NCALD: variants seen among roughly 807,000 people sequenced by gnomAD.
NCALD encodes neurocalcin-delta.
In NCALD, 10 loss-of-function variants were observed where a neutral mutation model predicts 18.6. That is an observed-to-expected ratio of 0.54 (90% CI 0.33 to 0.91). The LOEUF (loss-of-function observed/expected upper bound fraction) is 0.91. Among genes scored for constraint, NCALD ranks in the 40% least tolerant of loss-of-function variants. The probability of loss-of-function intolerance (pLI) is 0.03; values close to 1 mark genes in which losing one functional copy is unlikely to be tolerated. For synonymous variants in NCALD, 88 were observed against 87.4 expected (o/e 1.01, Z -0.04); for missense variants, 184 against 247.6 (o/e 0.74, Z 1.72).
At chr8:101,923,867 T>C (rs1415668710) in intron 2 of NCALD, among the ~76,000 whole-genome samples, 1 of 152,260 alleles carries the variant, frequency 6.6e-6, no homozygotes, top group Non-Finnish European at 1.5e-5. Context: ...ATTTTAAACC[T>C]TTATTAACAT....
At chr8:102,034,184 C>T (rs947516566) in intron 1 of NCALD, among the ~76,000 whole-genome samples, 8 of 152,148 alleles carry the variant, frequency 5.3e-5, no homozygotes, top group South Asian at 2.1e-4. Flanking sequence ...GAGTGTGTCA[C>T]ATAAGTTAAC....
intron 1 of NCALD, among the ~76,000 whole-genome samples, chr8:102,065,146 G>C (rs766255071): frequency 1.3e-5 from 2 of 152,050 alleles, no homozygotes; most frequent in African/African-American, 2.4e-5. Context: ...GAAACAGTTG[G>C]AGAGATGTTC....
rs183736631 is a variant in NCALD, at chr8:101,997,282, C to T, written c.-157+22955G>A. Among the ~76,000 whole-genome samples the T allele has an allele frequency of 2.0e-3, 300 of 152,192 alleles. 3 individuals carry two copies. The highest frequency in any genetic ancestry group is 6.7e-3 in the African/African-American group (280 of 41,524). ...AATATGGCTGAGGACAAAGCCAGGC[C>T]GGACATTGTTCCAGGCTAGGGAACA... On this transcript the variant is annotated intron_variant, in intron 2 of 6. Transcript: ENST00000311028.
intron 2 of NCALD, among the ~76,000 whole-genome samples, chr8:102,003,934 C>A (rs1457988308): frequency 3.3e-5 from 5 of 152,042 alleles, no homozygotes; most frequent in Admixed American, 6.5e-5. Flanking sequence ...ACTGAATGGG[C>A]AAAAACTGGA....
intron 2 of NCALD, among the ~76,000 whole-genome samples, chr8:101,714,475 G>C (rs966048047): frequency 6.6e-6 from 1 of 152,116 alleles, no homozygotes; most frequent in Admixed American, 6.5e-5. Context: ...ACAAACCACT[G>C]CTCAAGGAAA....
At chr8:101,977,386 G>C (rs1184281168) in intron 2 of NCALD, among the ~76,000 whole-genome samples, 1 of 152,206 alleles carries the variant, frequency 6.6e-6, no homozygotes, top group African/African-American at 2.4e-5. Context: ...AGTATTCTAA[G>C]AGAATTGGGA....
intron 2 of NCALD, among the ~76,000 whole-genome samples, chr8:102,005,371 G>A (rs1412886342): frequency 6.6e-6 from 1 of 152,138 alleles, no homozygotes; most frequent in Admixed American, 6.5e-5. Flanking sequence ...CAAAAGTCAG[G>A]AAACAACAGG....
At chr8:102,029,703 C>G (rs1443820004) in intron 1 of NCALD, among the ~76,000 whole-genome samples, 3 of 151,970 alleles carry the variant, frequency 2.0e-5, no homozygotes, top group Admixed American at 1.3e-4. Context: ...AGGTGAAAAC[C>G]AAAAACACAG....
intron 2 of NCALD, among the ~76,000 whole-genome samples, chr8:102,019,300 C>G (rs1455547565): frequency 6.6e-6 from 1 of 151,970 alleles, no homozygotes; most frequent in Admixed American, 6.6e-5. Flanking sequence ...TAATTAGAAC[C>G]CTCATACACT....
intron 3 of NCALD, among the ~76,000 whole-genome samples, chr8:101,894,846 G>A (rs1817088497): frequency 2.0e-5 from 3 of 149,546 alleles, no homozygotes; most frequent in Non-Finnish European, 2.9e-5. Flanking sequence ...ACCAATAACA[G>A]GATCTGAAAT....
At chr8:101,872,302 T>C (rs1816052771) in intron 4 of NCALD, 4 of 1,368,556 alleles carry the variant, frequency 2.9e-6, no homozygotes, top group South Asian at 1.2e-5. Flanking sequence ...TTTAATTGCT[T>C]TCCCCTCAGC....
At chr8:101,900,390 T>C (rs1245972626) in intron 3 of NCALD, among the ~76,000 whole-genome samples, 1 of 151,846 alleles carries the variant, frequency 6.6e-6, no homozygotes, top group Non-Finnish European at 1.5e-5. Flanking sequence ...TTTGGGTATA[T>C]TTGGCTCTTT....
chr8:101,743,547 A>G (rs1042647222), intron 1 of NCALD, among the ~76,000 whole-genome samples: 20 of 152,202 alleles, frequency 1.3e-4, no homozygotes, highest in African/African-American at 4.8e-4. Flanking sequence ...TTATGGGCAC[A>G]GGGGGATGTT....
At chr8:102,075,716 AG>A in intron 1 of NCALD, among the ~76,000 whole-genome samples, 1 of 152,282 alleles carries the variant, frequency 6.6e-6, no homozygotes, top group South Asian at 2.1e-4. Flanking sequence ...GCATTTTGGG[AG>A]GCCAAGGCAG....
chr8:101,810,572 C>T (rs773170438), intron 4 of NCALD, among the ~76,000 whole-genome samples: 30 of 152,054 alleles, frequency 2.0e-4, no homozygotes, highest in Non-Finnish European at 1.3e-4. Flanking sequence ...ATTTTCATAG[C>T]CCAAATTTCC....
At chr8:101,697,518 T>A (rs767554966) in intron 2 of NCALD, among the ~76,000 whole-genome samples, 4 of 152,140 alleles carry the variant, frequency 2.6e-5, no homozygotes, top group Non-Finnish European at 5.9e-5. Context: ...GCCAATATCC[T>A]TGAAGAACAT....
intron 1 of NCALD, among the ~76,000 whole-genome samples, chr8:102,064,783 C>A (rs1025202912): frequency 6.6e-6 from 1 of 152,110 alleles, no homozygotes; most frequent in Non-Finnish European, 1.5e-5. Flanking sequence ...TTTCTTCACA[C>A]CATGTTTGAG....
At chr8:101,856,436 G>T (rs1231860941) in intron 4 of NCALD, among the ~76,000 whole-genome samples, 1 of 152,110 alleles carries the variant, frequency 6.6e-6, no homozygotes, top group African/African-American at 2.4e-5. Flanking sequence ...GCTTCTCAAA[G>T]TGCAAAGACT....
chr8:102,106,199 A>G (rs1442750587), intron 1 of NCALD, among the ~76,000 whole-genome samples: 1 of 151,564 alleles, frequency 6.6e-6, no homozygotes, highest in Non-Finnish European at 1.5e-5. Flanking sequence ...CCTCCCAAGT[A>G]GCTGGAATTA....
Sources: allele counts gnomAD v4.1 joint callset (sites outside exome capture counted in the v4.1 genomes callset), GRCh38; gene constraint gnomAD v4.1.1; transcripts MANE v1.5; gene names NCBI Gene and HGNC (gene_info 2026-07-23, HGNC 2026-07-21).